NUP133: variants seen among roughly 807,000 people sequenced by gnomAD.
NUP133 encodes nuclear pore complex protein Nup133.
Under a neutral mutation model 146.2 loss-of-function variants are expected in NUP133, and 66 were observed. That is an observed-to-expected ratio of 0.45 (90% CI 0.37 to 0.55). NUP133 has a LOEUF of 0.55. Ranked by LOEUF, NUP133 falls within the 20% of genes least tolerant of loss-of-function variation. NUP133 has a pLI of 0.00. For synonymous variants in NUP133, 521 were observed against 498.8 expected (o/e 1.04, Z -0.59); for missense variants, 1,277 against 1,374.8 (o/e 0.93, Z 1.12).
chr1:229,467,278 T>A (rs766833858), intron 15 of NUP133, among the ~76,000 whole-genome samples: 15 of 152,204 alleles, frequency 9.9e-5, no homozygotes, highest in Non-Finnish European at 2.1e-4. Flanking sequence ...TACATGGAGA[T>A]AACAGTGCAA....
rs1409300010 is a variant in NUP133 at position 229,441,340 on chromosome 1, A to C, written c.*564T>G. The C allele has an allele frequency of 1.2e-5, 6 of 492,440 alleles. No homozygotes were observed. Among genetic ancestry groups the C allele is most frequent in the Non-Finnish European group, 2.5e-5 (6 of 240,022 alleles). The allele number at this position is 492,440 out of a possible 1,614,324, so 30.5% of individuals were successfully genotyped here. ...TTTATTATTTATGTAGAAAAGTTTA[A>C]AATGCTCCCAATGAGTTCATCAGTT... On this transcript the variant is annotated 3_prime_UTR_variant, in exon 26 of 26. Transcript: ENST00000261396.
intron 8 of NUP133, among the ~76,000 whole-genome samples, chr1:229,490,417 A>T (rs924795152): frequency 1.1e-4 from 17 of 151,918 alleles, no homozygotes; most frequent in Admixed American, 6.6e-5. Flanking sequence ...AAAAAAAAAA[A>T]AATACTGAAT....
Position 229,450,522 on chromosome 1 carries a change from T to C in NUP133, c.3180+3A>G. ...TGAGATCATCTCAAGCAATTTTACT[T>C]ACCTCATCAATATATTCCAACAAGT... On this transcript the variant is annotated splice_donor_region_variant and intron_variant, in intron 23 of 25. Coordinates refer to ENST00000261396, the MANE Select transcript of NUP133 (RefSeq NM_018230.3). The C allele has an allele frequency of 1.3e-6, 2 of 1,527,974 alleles. No homozygotes were observed. Among genetic ancestry groups the C allele is most frequent in the Non-Finnish European group, 1.8e-6 (2 of 1,116,658 alleles). 94.7% of individuals were successfully genotyped at this position (1,527,974 alleles called of 1,614,324 possible).
At chr1:229,495,310 C>T (rs1661629198) in intron 8 of NUP133, among the ~76,000 whole-genome samples, 185 bp downstream of exon 8, 1 of 152,126 alleles carries the variant, frequency 6.6e-6, no homozygotes, top group African/African-American at 2.4e-5. Context: ...AGGATCACTT[C>T]AGCCCAGGAG....
intron 25 of NUP133, among the ~76,000 whole-genome samples, chr1:229,444,523 AC>A (rs1197955645): frequency 6.6e-6 from 1 of 152,148 alleles, no homozygotes; most frequent in Non-Finnish European, 1.5e-5. Context: ...AAAGGAAGCT[AC>A]AAATCTGAAT....
chr1:229,503,794 T>C (rs991451912), intron 2 of NUP133, among the ~76,000 whole-genome samples: 6 of 152,180 alleles, frequency 3.9e-5, no homozygotes, highest in Non-Finnish European at 8.8e-5. Context: ...GGTTTCTAAG[T>C]GGGGAAGAGT....
rs1661704436 is a variant in NUP133 at position 229,498,248 on chromosome 1, C to G, written c.707G>C (p.Ser236Thr). ...GSQLIRLIPE[S>T]SGKIHQHILP... ...GATATGCTGATGAATCTTTCCTGAG[C>G]TCTCAGGTATCAACCGAATTAGTTG... is the stretch of plus-strand genomic sequence containing the variant. Residue 236 changes from serine to threonine, a missense_variant, in exon 6 of 26, where the codon AGC (serine) becomes ACC (threonine). Physicochemically the swap from Ser to Thr is moderately conservative, Grantham distance 58. Coordinates refer to ENST00000261396, the MANE Select transcript of NUP133 (RefSeq NM_018230.3). 1.2e-6 allele frequency: 2 copies of G among 1,610,722 alleles called. No homozygotes were observed. The highest frequency in any genetic ancestry group is 1.7e-6 in the Non-Finnish European group (2 of 1,179,088).
At chr1:229,485,662 C>T (rs866804631) in intron 11 of NUP133, among the ~76,000 whole-genome samples, 2 of 152,058 alleles carry the variant, frequency 1.3e-5, no homozygotes, top group African/African-American at 4.8e-5. Context: ...AGAAAATCAA[C>T]AGATGCATCA....
At chr1:229,451,212 A>C (rs1400671214) in intron 22 of NUP133, 1 of 152,130 alleles carries the variant, frequency 6.6e-6, no homozygotes, top group Non-Finnish European at 1.5e-5. Context: ...CAGCCTGGGC[A>C]ACATGGAGAA....
intron 25 of NUP133, among the ~76,000 whole-genome samples, chr1:229,443,718 AT>A (rs2102743407): frequency 6.8e-6 from 1 of 147,438 alleles, no homozygotes; most frequent in Non-Finnish European, 1.5e-5. Flanking sequence ...ACACACACAT[AT>A]ATAATTTTTT....
Position 229,466,637 on chromosome 1 carries a change from G to A in NUP133, c.2196C>T (p.Leu732=). 1 of 1,613,940 alleles carries A rather than the reference G, an allele frequency of 6.2e-7. No individual in the cohort carries two copies. Among genetic ancestry groups the A allele is most frequent in the South Asian group, 1.1e-5 (1 of 91,060 alleles). The change falls in exon 16 of 26, where the codon CTC becomes CTT. Residue 732 remains leucine (L), a synonymous_variant. Coordinates refer to ENST00000261396, the MANE Select transcript of NUP133 (RefSeq NM_018230.3). The stretch of plus-strand genomic sequence containing the variant: ...AGCCTTTACTATATTTTTGTACCTT[G>A]AGAATATTGTTCACATTGATCACCA... ...AEVVINVNNI[L]KDMLQAASHY...
intron 15 of NUP133, 106 bp from the exon 16 acceptor site, chr1:229,466,862 T>C: frequency 3.3e-6 from 3 of 898,292 alleles, no homozygotes; most frequent in Non-Finnish European, 4.7e-6. Flanking sequence ...GACCTATAGA[T>C]GGAGGAAAAT....
intron 22 of NUP133, 190 bp from the exon 23 acceptor site, chr1:229,450,795 A>G (rs1473992561): frequency 7.2e-5 from 21 of 291,506 alleles, no homozygotes; most frequent in Non-Finnish European, 6.4e-6. Context: ...GCACGATCTC[A>G]GCTCACTGAA....
chr1:229,501,526 G>A (rs778054000), intron 3 of NUP133, among the ~76,000 whole-genome samples: 2 of 152,216 alleles, frequency 1.3e-5, no homozygotes, highest in Non-Finnish European at 1.5e-5. Flanking sequence ...CTGAGGATAC[G>A]TTACTAGACA....
chr1:229,476,782 G>A (rs1339199411), intron 13 of NUP133, among the ~76,000 whole-genome samples: 1 of 151,936 alleles, frequency 6.6e-6, no homozygotes, highest in Non-Finnish European at 1.5e-5. Context: ...AAATTAGCTG[G>A]GCATGGTGGT....
In NUP133 at chr1:229,465,501, T is replaced by A. The variant is rs769552124; in HGVS notation, c.2218A>T (p.Ser740Cys). The A allele has an allele frequency of 4.3e-6, 7 of 1,613,454 alleles. No individual in the cohort carries two copies. The highest frequency in any genetic ancestry group is 5.9e-6 in the Non-Finnish European group (7 of 1,179,580). ...GAGTTTCTATTTTGGCGATAATGACTAGCAGCCTGCAGCATATCCTGGAAA... is the reference window on the plus strand; with the variant it reads ...GAGTTTCTATTTTGGCGATAATGACAAGCAGCCTGCAGCATATCCTGGAAA... Reference protein sequence around the residue: ...NILKDMLQAASHYRQNRNSLY... With the variant: ...NILKDMLQAACHYRQNRNSLY... The change falls in exon 17 of 26, where the codon AGT (serine) becomes TGT (cysteine). Residue 740 changes from serine (S) to cysteine (C), a missense_variant. Physicochemically the swap from Ser to Cys is moderately radical, Grantham distance 112. Coordinates refer to ENST00000261396, the MANE Select transcript of NUP133 (RefSeq NM_018230.3).
chr1:229,451,167 G>A (rs905107022), intron 22 of NUP133: 4 of 152,104 alleles, frequency 2.6e-5, no homozygotes, highest in African/African-American at 9.7e-5. Flanking sequence ...GGGAGGCCGA[G>A]GCAGGCAGAT....
intron 12 of NUP133, among the ~76,000 whole-genome samples, chr1:229,481,715 G>A (rs1456974406): frequency 6.6e-6 from 1 of 150,442 alleles, no homozygotes; most frequent in Non-Finnish European, 1.5e-5. Context: ...AAAAAAAAAG[G>A]CCATGTGAAT....
intron 23 of NUP133, among the ~76,000 whole-genome samples, chr1:229,449,835 G>T (rs1660400454): frequency 7.6e-6 from 1 of 131,790 alleles, no homozygotes; most frequent in Non-Finnish European, 1.6e-5. Flanking sequence ...CTCTTAGGAT[G>T]AATACTATGA....
Sources: gnomAD v4.1 joint callset for allele counts (sites outside exome capture counted in the v4.1 genomes callset) on GRCh38, gnomAD v4.1.1 for gene constraint, MANE v1.5 for transcripts, NCBI Gene and HGNC (gene_info 2026-07-23, HGNC 2026-07-21) for gene names.